Variants in CSMD3 observed in about 807,000 individuals in gnomAD.
The protein encoded by CSMD3 is CUB and sushi domain-containing protein 3.
Under a neutral mutation model 435.2 loss-of-function variants are expected in CSMD3, and 177 were observed. The ratio of observed to expected loss-of-function variants is 0.41; its 90% CI spans 0.36 to 0.46. The LOEUF is 0.46. CSMD3 is among the 20% of genes least tolerant of loss of function. The pLI is 0.34. For missense variants in CSMD3, 4,265 were observed against 4,504.6 expected (o/e 0.95, Z 1.52); for synonymous variants, 1,656 against 1,520.5 (o/e 1.09, Z -2.07).
chr8:112,698,551 T>A (rs549423252), intron 13 of CSMD3, among the ~76,000 whole-genome samples: 4 of 152,220 alleles, frequency 2.6e-5, no homozygotes, highest in African/African-American at 9.6e-5. Context: ...GAAACTGGAA[T>A]ACCTTGTTGT....
intron 10 of CSMD3, among the ~76,000 whole-genome samples, chr8:112,893,465 A>T (rs1007130952): frequency 2.0e-5 from 3 of 151,498 alleles, no homozygotes. Flanking sequence ...GGATATCAGT[A>T]TTTTTAAAAA....
chr8:112,254,235 C>T lies in CSMD3; in HGVS notation c.10110+18G>A, dbSNP rs372938126. 1.9e-6 allele frequency: 3 copies of T among 1,584,784 alleles called. No individual in the cohort carries two copies. The highest frequency in any genetic ancestry group is 2.6e-6 in the Non-Finnish European group (3 of 1,153,878). On this transcript the variant is annotated intron_variant, in intron 63 of 70. Transcript: ENST00000297405. Reference sequence around the variant, plus strand: ...CTGACCTAGTATGATGCTAAATGGACATAGCTAAAGTACCCACTTGAAATC... The same window carrying T: ...CTGACCTAGTATGATGCTAAATGGATATAGCTAAAGTACCCACTTGAAATC...
intron 26 of CSMD3, among the ~76,000 whole-genome samples, chr8:112,551,105 T>C (rs1385603943): frequency 6.6e-6 from 1 of 152,106 alleles, no homozygotes; most frequent in East Asian, 1.9e-4. Context: ...TTGTAGAAAC[T>C]TCAGGCATAC....
intron 20 of CSMD3, among the ~76,000 whole-genome samples, chr8:112,640,429 A>T (rs962402014): frequency 4.6e-5 from 7 of 151,640 alleles, no homozygotes; most frequent in African/African-American, 7.3e-5. Flanking sequence ...CCATTGTTTT[A>T]AAAAAAAGGG....
rs186311696 is a variant in CSMD3, at chr8:113,253,969, T to C, written c.514+24623A>G. Among the ~76,000 whole-genome samples, 142 of 152,314 alleles carry C rather than the reference T, an allele frequency of 9.3e-4. 1 individual carries two copies. The highest frequency in any genetic ancestry group is 4.0e-4 in the Non-Finnish European group (27 of 68,020). On this transcript the variant is annotated intron_variant, in intron 3 of 70. Coordinates refer to ENST00000297405, the MANE Select transcript of CSMD3 (RefSeq NM_198123.2). ...TTCCAGATATAACATTCCACTTCAA[T>C]TTTTCCCTGTGCCTGACATGACCTG... is the stretch of plus-strand genomic sequence containing the variant.
intron 10 of CSMD3, among the ~76,000 whole-genome samples, chr8:112,864,481 C>T (rs1348739385): frequency 6.6e-6 from 1 of 152,020 alleles, no homozygotes; most frequent in Non-Finnish European, 1.5e-5. Flanking sequence ...GAACTCCTGA[C>T]CTCAAGTGAT....
intron 13 of CSMD3, among the ~76,000 whole-genome samples, chr8:112,695,361 T>C (rs1404655208): frequency 6.6e-6 from 1 of 152,206 alleles, no homozygotes. Context: ...TTATTTTCTT[T>C]CTCCTTTTTA....
rs199693088 is a variant in CSMD3 at position 112,602,566 on chromosome 8, C to CA, written c.3716-15332dup. On this transcript the variant is annotated intron_variant, in intron 22 of 70. Transcript: ENST00000297405. ...GGGCAACAAGAGCAAAACTCTGTCT[C>CA]AAAAAAAAAAAAAAAAAGAAAGAAA... Among the ~76,000 whole-genome samples the CA allele has an allele frequency of 2.3e-3, 289 of 125,022 alleles. 1 individual carries two copies. Among genetic ancestry groups the CA allele is most frequent in the East Asian group, 4.7e-3 (18 of 3,810 alleles). 82.0% of individuals were successfully genotyped at this position (125,022 alleles called of 152,430 possible).
chr8:113,289,540 CAGACAGAGAG>C (rs1345812550), intron 2 of CSMD3, among the ~76,000 whole-genome samples: 1 of 112,030 alleles, frequency 8.9e-6, no homozygotes, highest in African/African-American at 3.3e-5. Flanking sequence ...AATTAGAAGA[CAGACAGAGAG>C]AGACAGAGAG....
intron 11 of CSMD3, among the ~76,000 whole-genome samples, chr8:112,851,502 C>A (rs2080485860): frequency 6.6e-6 from 1 of 152,054 alleles, no homozygotes; most frequent in African/African-American, 2.4e-5. Context: ...CGCGGTGGCT[C>A]ATGCCTGCGA....
chr8:113,418,009 T>C (rs906697661), intron 1 of CSMD3, among the ~76,000 whole-genome samples: 7 of 152,084 alleles, frequency 4.6e-5, no homozygotes, highest in African/African-American at 1.7e-4. Flanking sequence ...CAATTAATAT[T>C]CTATTGTAAA....
intron 4 of CSMD3, among the ~76,000 whole-genome samples, chr8:113,144,287 T>C (rs1434783443): frequency 6.6e-6 from 1 of 151,374 alleles, no homozygotes; most frequent in African/African-American, 2.4e-5. Flanking sequence ...AATGGTATGT[T>C]TCCTTTTAGA....
intron 13 of CSMD3, among the ~76,000 whole-genome samples, chr8:112,767,071 A>G (rs558017867): frequency 3.9e-5 from 6 of 152,012 alleles, no homozygotes; most frequent in African/African-American, 1.2e-4. Flanking sequence ...ATTGTTTTCT[A>G]TAGTAAATTT....
intron 13 of CSMD3, among the ~76,000 whole-genome samples, chr8:112,697,593 TGG>T (rs1173156609): frequency 1.0e-5 from 1 of 99,998 alleles, no homozygotes; most frequent in East Asian, 2.9e-4. Context: ...TGTTGTGGGG[TGG>T]GGGCAGGGGG....
chr8:112,746,639 A>G (rs2077432566), intron 13 of CSMD3, among the ~76,000 whole-genome samples: 1 of 151,450 alleles, frequency 6.6e-6, no homozygotes, highest in African/African-American at 2.4e-5. Context: ...GAATAGTTAT[A>G]TATATTATTT....
intron 22 of CSMD3, among the ~76,000 whole-genome samples, chr8:112,608,962 A>C (rs1365411022): frequency 6.6e-6 from 1 of 151,882 alleles, no homozygotes; most frequent in Middle Eastern, 3.2e-3. Flanking sequence ...TAAAACACAA[A>C]AATGCAAACA....
At chr8:113,018,776 G>T in intron 6 of CSMD3, 1 of 383,494 alleles carries the variant, frequency 2.6e-6, no homozygotes, top group Non-Finnish European at 4.8e-6. Context: ...ACTTCAGATA[G>T]TATATCCAAT....
intron 10 of CSMD3, among the ~76,000 whole-genome samples, chr8:112,908,236 A>G (rs2082315248): frequency 6.6e-6 from 1 of 151,460 alleles, no homozygotes; most frequent in South Asian, 2.1e-4. Flanking sequence ...AGAAGGGTAT[A>G]TCCTGTATTT....
At chr8:112,873,737 T>G (rs1332154847) in intron 10 of CSMD3, among the ~76,000 whole-genome samples, 1 of 152,152 alleles carries the variant, frequency 6.6e-6, no homozygotes, top group African/African-American at 2.4e-5. Context: ...TAGTTTGTAT[T>G]TCTGTGGGAT....
Sources: gnomAD v4.1 joint callset for allele counts (sites outside exome capture counted in the v4.1 genomes callset) on GRCh38, gnomAD v4.1.1 for gene constraint, MANE v1.5 for transcripts, NCBI Gene and HGNC (gene_info 2026-07-23, HGNC 2026-07-21) for gene names.